NAXD: variants seen among roughly 807,000 people sequenced by gnomAD.
The protein encoded by NAXD is ATP-dependent (S)-NAD(P)H-hydrate dehydratase.
A neutral mutation model predicts 35.8 loss-of-function variants in NAXD; 22 were observed. That is an observed-to-expected ratio of 0.62 (90% CI 0.44 to 0.88). NAXD has a LOEUF of 0.88. Among genes scored for constraint, NAXD ranks in the 40% least tolerant of loss-of-function variants. The pLI, the probability that NAXD is intolerant of heterozygous loss-of-function variation, is 0.00. For synonymous variants in NAXD, 189 were observed against 177.6 expected (o/e 1.06, Z -0.51); for missense variants, 428 against 437.7 (o/e 0.98, Z 0.20).
chr13:110,637,837 T>C (rs1886993343), intron 9 of NAXD: 1 of 469,124 alleles, frequency 2.1e-6, no homozygotes, highest in South Asian at 1.5e-5. Context: ...AGTGGCCTCA[T>C]GTGTCCTCAT....
At chr13:110,618,784 G>A (rs1334085823) in intron 1 of NAXD, among the ~76,000 whole-genome samples, 1 of 152,202 alleles carries the variant, frequency 6.6e-6, no homozygotes, top group African/African-American at 2.4e-5. Flanking sequence ...AAGCCTGTAG[G>A]TTTTAAGCGT....
Position 110,628,318 on chromosome 13 carries a change from AGTGTG to A in NAXD, c.441+772_441+776del, listed in dbSNP as rs1886573307. Reference sequence around the variant, plus strand: ...TGTTAGAGCTCCTGGGGGAAGACACAGTGTGCCAGATGGCTTGGTGCCACAGGGTG... The same window carrying A: ...TGTTAGAGCTCCTGGGGGAAGACACACCAGATGGCTTGGTGCCACAGGGTG... On this transcript the variant is annotated intron_variant, in intron 5 of 9. Transcript: ENST00000680254. The surrounding 1 kb of genome is among the most constrained non-coding windows in gnomAD (Gnocchi z 4.1). Among the ~76,000 whole-genome samples, 1 of 152,168 alleles carries A rather than the reference AGTGTG, an allele frequency of 6.6e-6. No individual in the cohort carries two copies. Among genetic ancestry groups the A allele is most frequent in the Non-Finnish European group, 1.5e-5 (1 of 68,036 alleles).
At chr13:110,631,879 T>C (rs1344914836) in intron 5 of NAXD, among the ~76,000 whole-genome samples, 1 of 152,252 alleles carries the variant, frequency 6.6e-6, no homozygotes, top group Non-Finnish European at 1.5e-5. Context: ...GGCTGGAATG[T>C]GCGTCATAAA....
chr13:110,634,927 A>T, intron 7 of NAXD, 151 bp downstream of exon 7: 1 of 664,094 alleles, frequency 1.5e-6, no homozygotes, highest in South Asian at 1.7e-5. Context: ...GCGTCTTCCC[A>T]TTAATGCGCT....
At chr13:110,627,690 G>A (rs549417346) in intron 5 of NAXD, 143 bp downstream of exon 5, 2 of 637,298 alleles carry the variant, frequency 3.1e-6, no homozygotes, top group East Asian at 2.7e-5. Flanking sequence ...AGGGACGGAG[G>A]AGAAACTGAG....
chr13:110,616,505 G>T (rs1339488516), intron 1 of NAXD, among the ~76,000 whole-genome samples: 2 of 152,240 alleles, frequency 1.3e-5, no homozygotes, highest in African/African-American at 4.8e-5. Flanking sequence ...AGATGTCCCC[G>T]AGGGCCCTGC....
chr13:110,633,085 T>C (rs1035365390), intron 5 of NAXD, among the ~76,000 whole-genome samples: 15 of 151,640 alleles, frequency 9.9e-5, no homozygotes, highest in East Asian at 7.8e-4. Context: ...CAGGGGGTGG[T>C]GCTCGTCGGG....
Position 110,638,647 on chromosome 13 carries a change from A to G in NAXD, c.*119A>G, listed in dbSNP as rs767160031. ...CGGTGCTTGCCAGATTTTCAACTTG[A>G]GCATAAATTGGTTGCCATTGAGAAT... On this transcript the variant is annotated 3_prime_UTR_variant, in exon 10 of 10. Transcript: ENST00000680254. The surrounding 1 kb of genome is among the most constrained non-coding windows in gnomAD (Gnocchi z 5.4). 8.4e-7 allele frequency: 1 copy of G among 1,183,862 alleles called. No homozygotes were observed. The highest frequency in any genetic ancestry group is 1.2e-5 in the South Asian group (1 of 80,206). 73.3% of individuals were successfully genotyped at this position (1,183,862 alleles called of 1,614,324 possible). A position where few individuals can be genotyped will look rare whatever the true frequency, so the allele number is the denominator to read the frequency against.
At chr13:110,635,247 A>G (rs1483559815) in intron 7 of NAXD, among the ~76,000 whole-genome samples, 2 of 152,200 alleles carry the variant, frequency 1.3e-5, no homozygotes, top group Non-Finnish European at 2.9e-5. Context: ...CTGATGAGGT[A>G]GAGGATGGGC....
chr13:110,615,736 C>A (rs1290618678), intron 1 of NAXD, 89 bp downstream of exon 1: 1 of 1,494,086 alleles, frequency 6.7e-7, no homozygotes. Context: ...GCATTGCTCT[C>A]GGCCGCACTC....
chr13:110,638,285 G>C lies in NAXD; in HGVS notation c.840-93G>C. On this transcript the variant is annotated intron_variant, in intron 9 of 9. Transcript: ENST00000680254. The surrounding 1 kb of genome is among the most constrained non-coding windows in gnomAD (Gnocchi z 5.4). The stretch of plus-strand genomic sequence containing the variant: ...ATTGACAATTTGGGGTCCTGAGATT[G>C]AAACAGGAGTCAAAACCAGAGCCCA... 1.2e-6 allele frequency: 2 copies of C among 1,600,022 alleles called. No individual in the cohort carries two copies. The highest frequency in any genetic ancestry group is 1.7e-6 in the Non-Finnish European group (2 of 1,173,822).
chr13:110,638,502 G>T lies in NAXD; in HGVS notation c.964G>T (p.Ala322Ser). The part of the protein sequence containing the change: ...TSDMIAEVGA[A>S]FSKLFET ...CGACATGATCGCCGAGGTGGGGGCC[G>T]CCTTCAGCAAGCTCTTTGAAACCTG... The change falls in exon 10 of 10, where the codon GCC becomes TCC. Residue 322 changes from alanine to serine, a missense_variant. Coordinates refer to ENST00000680254, the MANE Select transcript of NAXD (RefSeq NM_001242882.2). The surrounding 1 kb of genome is among the most constrained non-coding windows in gnomAD (Gnocchi z 5.4). The T allele has an allele frequency of 6.2e-7, 1 of 1,612,546 alleles. No individual in the cohort carries two copies. The highest frequency in any genetic ancestry group is 8.5e-7 in the Non-Finnish European group (1 of 1,179,644).
chr13:110,625,371 T>A, intron 4 of NAXD, 93 bp downstream of exon 4: 2 of 821,840 alleles, frequency 2.4e-6, no homozygotes, highest in Non-Finnish European at 4.1e-6. Context: ...CCTGATGGAT[T>A]TTCCATCCTC....
chr13:110,627,911 C>T (rs1315199061), intron 5 of NAXD, among the ~76,000 whole-genome samples: 1 of 152,104 alleles, frequency 6.6e-6, no homozygotes, highest in East Asian at 1.9e-4. Flanking sequence ...CTGGGGGATC[C>T]TGGGGTTCCC....
chr13:110,623,538 C>A (rs1185911762), intron 2 of NAXD, among the ~76,000 whole-genome samples: 1 of 152,202 alleles, frequency 6.6e-6, no homozygotes, highest in East Asian at 1.9e-4. Flanking sequence ...TCTGCCCACT[C>A]TGGGACCCTG....
At chr13:110,635,936 C>T (rs911155253) in intron 8 of NAXD, among the ~76,000 whole-genome samples, 1 of 152,276 alleles carries the variant, frequency 6.6e-6, no homozygotes, top group Non-Finnish European at 1.5e-5. Flanking sequence ...CTTCATCTCA[C>T]CTGTGGCATC....
In NAXD at chr13:110,638,562, G is replaced by A; in HGVS notation, c.*34G>A. 2 of 1,609,966 alleles carry A rather than the reference G, an allele frequency of 1.2e-6. No homozygotes were observed. Reference sequence around the variant, plus strand: ...AGACCAGAAGTAAACAGGCACCTTGGACGGGGGAGAGCGTGTGTGTGATGG... The same window carrying A: ...AGACCAGAAGTAAACAGGCACCTTGAACGGGGGAGAGCGTGTGTGTGATGG... On this transcript the variant is annotated 3_prime_UTR_variant, in exon 10 of 10. Transcript: ENST00000680254. This position sits in a 1 kb window ranked among gnomAD's most constrained non-coding sequence, Gnocchi z 5.4.
chr13:110,625,319 C>T (rs767483578), intron 4 of NAXD, 41 bp downstream of exon 4: 4 of 1,384,814 alleles, frequency 2.9e-6, no homozygotes, highest in Non-Finnish European at 4.1e-6. Flanking sequence ...TTCTCTTTCC[C>T]TCCTGCATCA....
In NAXD at chr13:110,628,835, G is replaced by A. The variant is rs900245133; in HGVS notation, c.441+1288G>A. Among the ~76,000 whole-genome samples, 1 of 152,200 alleles carries A rather than the reference G, an allele frequency of 6.6e-6. No homozygotes were observed. Among genetic ancestry groups the A allele is most frequent in the Non-Finnish European group, 1.5e-5 (1 of 68,034 alleles). On this transcript the variant is annotated intron_variant, in intron 5 of 9. Transcript: ENST00000680254. This position sits in a 1 kb window ranked among gnomAD's most constrained non-coding sequence, Gnocchi z 4.1. ...CTGTCCAGCTCTGCATCCTGGGGGT[G>A]CGGATGAATTAGAGGTGAACGAGCC...
Sources: allele counts gnomAD v4.1 joint callset (sites outside exome capture counted in the v4.1 genomes callset), GRCh38; gene constraint gnomAD v4.1.1; non-coding constraint Gnocchi (gnomAD v3.1); transcripts MANE v1.5; gene names NCBI Gene and HGNC (gene_info 2026-07-23, HGNC 2026-07-21).